FOXN3: variants seen among roughly 807,000 people sequenced by gnomAD.
The protein encoded by FOXN3 is forkhead box protein N3.
In FOXN3, 7 loss-of-function variants were observed where a neutral mutation model predicts 38.4. The ratio of observed to expected loss-of-function variants is 0.18; its 90% confidence interval spans 0.10 to 0.34. The LOEUF (loss-of-function observed/expected upper bound fraction) is 0.34, where lower values mean the gene tolerates loss of function less well. Among genes scored for constraint, FOXN3 ranks in the 10% least tolerant of loss-of-function variants. FOXN3 has a pLI of 1.00. For synonymous variants in FOXN3, 230 were observed against 242.2 expected, an observed-to-expected ratio of 0.95 and a Z score of 0.47; for missense variants, 456 against 613.4, an observed-to-expected ratio of 0.74 and a Z score of 2.71.
At chr14:89,239,183 G>A (rs1485790593) in intron 4 of FOXN3, among the ~76,000 whole-genome samples, 1 of 152,170 alleles carries the variant, frequency 6.6e-6, no homozygotes, top group African/African-American at 2.4e-5. Flanking sequence ...CACAAGAGCT[G>A]AATTGGTATC....
At chr14:89,270,069 A>C (rs1317229363) in intron 4 of FOXN3, among the ~76,000 whole-genome samples, 3 of 152,202 alleles carry the variant, frequency 2.0e-5, no homozygotes, top group Non-Finnish European at 4.4e-5. Context: ...ACACAATCAG[A>C]GGGACAGATC....
chr14:89,458,612 T>C (rs1247095549), intron 1 of FOXN3, among the ~76,000 whole-genome samples: 3 of 152,134 alleles, frequency 2.0e-5, no homozygotes, highest in Non-Finnish European at 2.9e-5. Context: ...TGTGAATAAT[T>C]TGAGTTTCAA....
At chr14:89,501,430 C>A (rs1893797681) in intron 1 of FOXN3, among the ~76,000 whole-genome samples, 1 of 152,150 alleles carries the variant, frequency 6.6e-6, no homozygotes, top group Non-Finnish European at 1.5e-5. Flanking sequence ...GTTTTTCTAC[C>A]TTGTTGCTCC....
chr14:89,611,455 G>C (rs1354034409), intron 1 of FOXN3, among the ~76,000 whole-genome samples: 1 of 152,184 alleles, frequency 6.6e-6, no homozygotes, highest in Non-Finnish European at 1.5e-5. Flanking sequence ...TATTTACCAA[G>C]TAGGTAAACG....
intron 4 of FOXN3, among the ~76,000 whole-genome samples, chr14:89,211,548 G>A (rs1884093644): frequency 6.6e-6 from 1 of 152,226 alleles, no homozygotes. Flanking sequence ...GGGATCTGGG[G>A]TAGGTGGTCA....
At chr14:89,189,667 G>T (rs190053180) in intron 4 of FOXN3, among the ~76,000 whole-genome samples, 3 of 152,326 alleles carry the variant, frequency 2.0e-5, no homozygotes, top group Non-Finnish European at 4.4e-5. Context: ...CTTGGGAAGA[G>T]ATCTTTCTAA....
chr14:89,610,870 T>C (rs1391439793), intron 1 of FOXN3, among the ~76,000 whole-genome samples: 2 of 152,220 alleles, frequency 1.3e-5, no homozygotes, highest in Non-Finnish European at 1.5e-5. Flanking sequence ...TTTCCCTTGA[T>C]TGATCTTTTA....
chr14:89,269,781 T>G (rs1886091882), intron 4 of FOXN3, among the ~76,000 whole-genome samples: 1 of 152,082 alleles, frequency 6.6e-6, no homozygotes. Context: ...TCCTTTGAGA[T>G]GCCATGAACC....
intron 1 of FOXN3, among the ~76,000 whole-genome samples, chr14:89,577,992 TTGG>T (rs1895670141): frequency 6.6e-6 from 1 of 152,224 alleles, no homozygotes; most frequent in Admixed American, 6.5e-5. Context: ...AAATCTTCCC[TTGG>T]TGGATTTGCA....
At chr14:89,180,203 G>C (rs2139794993) in intron 5 of FOXN3, among the ~76,000 whole-genome samples, 1 of 152,326 alleles carries the variant, frequency 6.6e-6, no homozygotes, top group Non-Finnish European at 1.5e-5. Context: ...CTTGGAAGCA[G>C]GGGAATGATG....
chr14:89,267,675 C>T (rs978390096), intron 4 of FOXN3, among the ~76,000 whole-genome samples: 1 of 152,218 alleles, frequency 6.6e-6, no homozygotes, highest in African/African-American at 2.4e-5. Flanking sequence ...TAGTTCCCAA[C>T]TTAATTTTTA....
chr14:89,373,310 T>C (rs934737535), intron 2 of FOXN3, among the ~76,000 whole-genome samples: 2 of 56,798 alleles, frequency 3.5e-5, no homozygotes, highest in Non-Finnish European at 6.7e-5. Flanking sequence ...AAGTGAAAGC[T>C]ATCACAGCTT....
chr14:89,441,352 G>T (rs1490984385), intron 1 of FOXN3, among the ~76,000 whole-genome samples: 3 of 152,132 alleles, frequency 2.0e-5, no homozygotes, highest in African/African-American at 7.2e-5. Flanking sequence ...TCCCTGCAGA[G>T]ACCTGAACCT....
At chr14:89,483,765 G>A (rs1459584969) in intron 1 of FOXN3, among the ~76,000 whole-genome samples, 1 of 152,182 alleles carries the variant, frequency 6.6e-6, no homozygotes, top group Non-Finnish European at 1.5e-5. Flanking sequence ...CGGTTAGTAA[G>A]ATTAGAACCC....
At chr14:89,218,618 T>A (rs944076333) in intron 4 of FOXN3, among the ~76,000 whole-genome samples, 1 of 152,282 alleles carries the variant, frequency 6.6e-6, no homozygotes, top group African/African-American at 2.4e-5. Context: ...TGCCTTTTCA[T>A]TGCTGAAATT....
intron 4 of FOXN3, among the ~76,000 whole-genome samples, chr14:89,279,454 A>G (rs1472816977): frequency 2.0e-5 from 3 of 152,240 alleles, no homozygotes; most frequent in Admixed American, 2.0e-4. Context: ...AAAAGGCTCT[A>G]AGAAAACAAA....
intron 1 of FOXN3, among the ~76,000 whole-genome samples, chr14:89,485,056 G>A (rs536107816): frequency 1.3e-4 from 20 of 151,524 alleles, no homozygotes; most frequent in African/African-American, 4.6e-4. Flanking sequence ...GGAGGCTGAG[G>A]CAGGAGAACA....
intron 1 of FOXN3, among the ~76,000 whole-genome samples, chr14:89,495,590 C>T (rs1201120332): frequency 6.6e-6 from 1 of 152,092 alleles, no homozygotes; most frequent in African/African-American, 2.4e-5. Flanking sequence ...TAATCACAAC[C>T]AGTACTCATA....
chr14:89,257,860 G>C (rs1303442753), intron 4 of FOXN3, among the ~76,000 whole-genome samples: 1 of 152,186 alleles, frequency 6.6e-6, no homozygotes, highest in African/African-American at 2.4e-5. Flanking sequence ...TTTAACCTCA[G>C]AGCAATGCAA....
Sources: allele counts gnomAD v4.1 joint callset (sites outside exome capture counted in the v4.1 genomes callset), GRCh38; gene constraint gnomAD v4.1.1; transcripts MANE v1.5; gene names NCBI Gene and HGNC (gene_info 2026-07-23, HGNC 2026-07-21).